ZNHIT1: variants seen among roughly 807,000 people sequenced by gnomAD.
ZNHIT1 encodes the protein zinc finger HIT domain-containing protein 1.
In ZNHIT1, 20 loss-of-function variants were observed where a neutral mutation model predicts 21.4. The ratio of observed to expected loss-of-function variants is 0.93; its 90% confidence interval spans 0.66 to 1.36. The LOEUF (loss-of-function observed/expected upper bound fraction) is 1.36. Among genes scored for constraint, ZNHIT1 ranks in the 40% most tolerant of loss-of-function variants. The pLI is 0.00. For synonymous variants in ZNHIT1, 79 were observed against 84.0 expected (o/e 0.94, Z 0.32); for missense variants, 170 against 213.5 (o/e 0.80, Z 1.27).
chr7:101,221,935 A>G (rs1446789180), intron 1 of ZNHIT1: 2 of 151,920 alleles, frequency 1.3e-5, no homozygotes, highest in Non-Finnish European at 2.9e-5. Flanking sequence ...TTGGGGTTCA[A>G]GGAGAGGATG....
intron 4 of ZNHIT1, 45 bp from the exon 5 acceptor site, chr7:101,223,892 C>T (rs1343504118): frequency 6.2e-7 from 1 of 1,614,172 alleles, no homozygotes; most frequent in Admixed American, 1.7e-5. Context: ...CCCACAGCCT[C>T]CCCAGACCTC....
At position 101,218,365 on chromosome 7, in the gene ZNHIT1, C is replaced by T; in HGVS notation, c.22+148C>T. 3.4e-6 allele frequency: 3 copies of T among 872,030 alleles called. No individual in the cohort carries two copies. The South Asian group carries it at 5.4e-5, about 16-fold the overall frequency. 54.0% of individuals were successfully genotyped at this position (872,030 alleles called of 1,614,324 possible). ...CATAGCTCACTGCAGCCTCGATTTC[C>T]TGGGATCAAACCATCCTCCCACCTC... On this transcript the variant is annotated intron_variant, in intron 1 of 4. Coordinates refer to ENST00000305105, the MANE Select transcript of ZNHIT1 (RefSeq NM_006349.3).
rs2116824591 is a variant in ZNHIT1, at chr7:101,223,675, C to T, written c.276C>T (p.Asn92=). The change falls in exon 4 of 5, where the codon AAC becomes AAT. Residue 92 remains asparagine, a splice_region_variant and synonymous_variant. Transcript: ENST00000305105. ...GAGCCGGCCCCTTGTCTCTGCAGAA[C>T]TTGAGTGTGGCCGAGGGCCCTAACT... The part of the protein sequence containing the change: ...KNFQALLEEQ[N]LSVAEGPNYL... 1.2e-6 allele frequency: 2 copies of T among 1,610,656 alleles called. No individual in the cohort carries two copies. The highest frequency in any genetic ancestry group is 1.7e-6 in the Non-Finnish European group (2 of 1,178,156).
chr7:101,219,487 C>T (rs10215699), intron 1 of ZNHIT1: 14,591 of 151,116 alleles, frequency 0.097, 958 homozygotes, highest in African/African-American at 0.19. Flanking sequence ...AGTGCAGTGG[C>T]GCAATCTCGG....
Position 101,223,747 on chromosome 7 carries a change from C to G in ZNHIT1, c.348C>G (p.Phe116Leu). The change falls in exon 4 of 5, where the codon TTC becomes TTG. Residue 116 changes from phenylalanine (F) to leucine (L), a missense_variant. Coordinates refer to ENST00000305105, the MANE Select transcript of ZNHIT1 (RefSeq NM_006349.3). The part of the protein sequence containing the change: ...AGPPSRPQRP[F>L]CAVCGFPSPY... ...CCCCATCGCGGCCCCAGCGCCCCTT[C>G]TGTGCTGTCTGTGGCTTCCCATCCC... 1 of 1,614,124 alleles carries G rather than the reference C, an allele frequency of 6.2e-7. No homozygotes were observed.
At position 101,222,648 on chromosome 7, in the gene ZNHIT1, G is replaced by A; in HGVS notation, c.67G>A (p.Ala23Thr). 1 of 1,613,868 alleles carries A rather than the reference G, an allele frequency of 6.2e-7. No homozygotes were observed. Among genetic ancestry groups the A allele is most frequent in the Non-Finnish European group, 8.5e-7 (1 of 1,179,904 alleles). ...PGQRRVLDRA[A>T]RQRRINRQLE... ...GCAGCGGCGGGTGCTGGACCGGGCT[G>A]CCCGGCAGCGTCGCATCAACCGGCA... The change falls in exon 2 of 5, where the codon GCC (alanine) becomes ACC (threonine). Residue 23 changes from alanine to threonine, a missense_variant. Physicochemically the swap from Ala to Thr is moderately conservative, Grantham distance 58. Transcript: ENST00000305105.
chr7:101,218,229 CCCG>C lies in ZNHIT1; in HGVS notation c.22+14_22+16del. The C allele has an allele frequency of 6.2e-7, 1 of 1,612,154 alleles. No individual in the cohort carries two copies. Among genetic ancestry groups the C allele is most frequent in the Non-Finnish European group, 8.5e-7 (1 of 1,178,996 alleles). On this transcript the variant is annotated intron_variant, in intron 1 of 4. Coordinates refer to ENST00000305105, the MANE Select transcript of ZNHIT1 (RefSeq NM_006349.3). Reference sequence around the variant, plus strand: ...GAAGAAAACTTCGGGTATGTGAGCCCCCGCGGTTCGCCCCCTTCCCCTTCCCAA... The same window carrying C: ...GAAGAAAACTTCGGGTATGTGAGCCCCGGTTCGCCCCCTTCCCCTTCCCAA...
In ZNHIT1 at chr7:101,222,633, G is replaced by A. The variant is rs1300910470; in HGVS notation, c.52G>A (p.Val18Met). 3 of 1,613,020 alleles carry A rather than the reference G, an allele frequency of 1.9e-6. No homozygotes were observed. The highest frequency in any genetic ancestry group is 2.2e-5 in the South Asian group (2 of 91,028). Residue 18 changes from valine (V) to methionine (M), a missense_variant, in exon 2 of 5, where the codon GTG becomes ATG. Coordinates refer to ENST00000305105, the MANE Select transcript of ZNHIT1 (RefSeq NM_006349.3). ...CTCCCAGGACCCCGGGCAGCGGCGGGTGCTGGACCGGGCTGCCCGGCAGCG... is the reference window on the plus strand; with the variant it reads ...CTCCCAGGACCCCGGGCAGCGGCGGATGCTGGACCGGGCTGCCCGGCAGCG... ...VRSQDPGQRR[V>M]LDRAARQRRI...
intron 1 of ZNHIT1, 169 bp downstream of exon 1, chr7:101,218,386 A>G: frequency 1.4e-6 from 1 of 703,096 alleles, no homozygotes; most frequent in Non-Finnish European, 2.3e-6. Context: ...CCATCCTCCC[A>G]CCTCAGCCTC....
Position 101,224,091 on chromosome 7 carries a change from T to C in ZNHIT1, c.*133T>C, listed in dbSNP as rs1584261672. ...GCCGCTCATTCACCCAACAAAACTG[T>C]GTCTTATCTGCCAGGAAAGACCAGC... is the stretch of plus-strand genomic sequence containing the variant. On this transcript the variant is annotated 3_prime_UTR_variant, in exon 5 of 5. Transcript: ENST00000305105. The C allele has an allele frequency of 1.3e-5, 18 of 1,378,994 alleles. No individual in the cohort carries two copies. In the East Asian group the frequency reaches 4.1e-4, roughly 32 times the overall value. 85.4% of individuals were successfully genotyped at this position (1,378,994 alleles called of 1,614,324 possible).
At chr7:101,219,418 T>G (rs528399163) in intron 1 of ZNHIT1, 129 of 150,326 alleles carry the variant, frequency 8.6e-4, no homozygotes, top group African/African-American at 2.8e-3. Context: ...CCTTTTAGTT[T>G]TTCTTTCTTT....
Position 101,223,688 on chromosome 7 carries a change from G to A in ZNHIT1, c.289G>A (p.Glu97Lys), listed in dbSNP as rs1331341810. ...LLEEQNLSVA[E>K]GPNYLTACAG... ...GTCTCTGCAGAACTTGAGTGTGGCC[G>A]AGGGCCCTAACTACCTGACGGCCTG... Residue 97 changes from glutamate to lysine, a missense_variant, in exon 4 of 5, where the codon GAG becomes AAG. Transcript: ENST00000305105. The A allele has an allele frequency of 6.2e-7, 1 of 1,610,588 alleles. No individual in the cohort carries two copies. Among genetic ancestry groups the A allele is most frequent in the Non-Finnish European group, 8.5e-7 (1 of 1,178,132 alleles).
chr7:101,223,395 A>G, intron 2 of ZNHIT1, 82 bp from the exon 3 acceptor site: 2 of 1,479,292 alleles, frequency 1.4e-6, no homozygotes, highest in Non-Finnish European at 1.9e-6. Flanking sequence ...AGGAGGGCAC[A>G]TGGGCATGGG....
chr7:101,222,457 A>G, intron 1 of ZNHIT1, 147 bp from the exon 2 acceptor site: 1 of 913,518 alleles, frequency 1.1e-6, no homozygotes, highest in Non-Finnish European at 1.6e-6. Flanking sequence ...GCCCGGGAGG[A>G]GACAAGGGGA....
chr7:101,223,851 G>T lies in ZNHIT1; in HGVS notation c.443+9G>T, dbSNP rs201400463. The T allele has an allele frequency of 1.2e-6, 2 of 1,614,028 alleles. No individual in the cohort carries two copies. Among genetic ancestry groups the T allele is most frequent in the South Asian group, 2.2e-5 (2 of 91,076 alleles). On this transcript the variant is annotated intron_variant, in intron 4 of 4. Coordinates refer to ENST00000305105, the MANE Select transcript of ZNHIT1 (RefSeq NM_006349.3). ...ACCCACCAGGAGACCAGGTGAGCATGAGACCTGCTGTCCACTCCCACTCCC... is the reference window on the plus strand; with the variant it reads ...ACCCACCAGGAGACCAGGTGAGCATTAGACCTGCTGTCCACTCCCACTCCC...
chr7:101,218,170 T>C lies in ZNHIT1; in HGVS notation c.-26T>C, dbSNP rs1337226890. 3 of 1,611,052 alleles carry C rather than the reference T, an allele frequency of 1.9e-6. No individual in the cohort carries two copies. Among genetic ancestry groups the C allele is most frequent in the Non-Finnish European group, 2.5e-6 (3 of 1,178,366 alleles). On this transcript the variant is annotated 5_prime_UTR_variant, in exon 1 of 5. Transcript: ENST00000305105. ...TGGGGTTAGTACGCGTGCGCAGCAGTTTCTTCCGACAGTTGTGTTGTGCCA... is the reference window on the plus strand; with the variant it reads ...TGGGGTTAGTACGCGTGCGCAGCAGCTTCTTCCGACAGTTGTGTTGTGCCA...
intron 1 of ZNHIT1, chr7:101,220,111 G>T (rs11767933): frequency 0.13 from 18,630 of 139,518 alleles, 1,460 homozygotes; most frequent in South Asian, 0.26. Flanking sequence ...GTTGGTTTTG[G>T]GTTTTTTTTT....
chr7:101,223,198 C>A (rs937258281), intron 2 of ZNHIT1, among the ~76,000 whole-genome samples: 14 of 152,076 alleles, frequency 9.2e-5, no homozygotes, highest in African/African-American at 3.1e-4. Flanking sequence ...ATGGTGAAAC[C>A]CCATCTCTAC....
At chr7:101,222,296 A>G in intron 1 of ZNHIT1, 3 of 359,864 alleles carry the variant, frequency 8.3e-6, no homozygotes, top group Non-Finnish European at 1.5e-5. Context: ...TGGAAGCCCC[A>G]GGGCGCTGTG....
Sources: allele counts gnomAD v4.1 joint callset (sites outside exome capture counted in the v4.1 genomes callset), GRCh38; gene constraint gnomAD v4.1.1; transcripts MANE v1.5; gene names NCBI Gene and HGNC (gene_info 2026-07-23, HGNC 2026-07-21).